The following NEURL1 variants were observed in gnomAD, a reference collection of about 807,000 sequenced individuals.
The protein encoded by NEURL1 is neuralized E3 ubiquitin protein ligase 1, also known as E3 ubiquitin-protein ligase NEURL1.
Under a neutral mutation model 41.2 loss-of-function variants are expected in NEURL1, and 26 were observed. The ratio of observed to expected loss-of-function variants is 0.63; its 90% CI spans 0.46 to 0.87. The LOEUF (loss-of-function observed/expected upper bound fraction) is 0.87, where lower values mean the gene tolerates loss of function less well. Among genes scored for constraint, NEURL1 ranks in the 40% least tolerant of loss-of-function variants. The pLI is 0.00. For missense variants in NEURL1, 761 were observed against 871.1 expected (o/e 0.87, Z 1.59); for synonymous variants, 400 against 402.3 (o/e 0.99, Z 0.07).
chr10:103,509,054 G>A (rs2034010175), intron 1 of NEURL1, among the ~76,000 whole-genome samples: 1 of 152,082 alleles, frequency 6.6e-6, no homozygotes, highest in African/African-American at 2.4e-5. Context: ...CATGGCGAAA[G>A]CCCATCTCTA....
At chr10:103,527,414 C>G (rs2034483829) in intron 1 of NEURL1, among the ~76,000 whole-genome samples, 1 of 151,736 alleles carries the variant, frequency 6.6e-6, no homozygotes, top group South Asian at 2.1e-4. Flanking sequence ...CCTGCTTCAG[C>G]CTTCCAAGTA....
intron 1 of NEURL1, among the ~76,000 whole-genome samples, chr10:103,565,017 C>T (rs12415501): frequency 0.14 from 21,488 of 152,136 alleles, 1,847 homozygotes; most frequent in South Asian, 0.27. Flanking sequence ...CAGCGCATCG[C>T]GGCCCCAGCC....
intron 1 of NEURL1, among the ~76,000 whole-genome samples, chr10:103,498,805 T>G (rs1034044339): frequency 1.2e-4 from 18 of 152,234 alleles, no homozygotes; most frequent in Middle Eastern, 3.2e-3. Flanking sequence ...TTTGTCCTTT[T>G]GTGTCAAGCG....
chr10:103,517,753 C>T (rs2034250245), intron 1 of NEURL1, among the ~76,000 whole-genome samples: 1 of 152,228 alleles, frequency 6.6e-6, no homozygotes, highest in African/African-American at 2.4e-5. Context: ...GGTGAACTTG[C>T]TCTAGGCCTG....
chr10:103,590,566 A>C lies in NEURL1; in HGVS notation c.*194A>C. On this transcript the variant is annotated 3_prime_UTR_variant, in exon 6 of 6. Transcript: ENST00000369780. Reference sequence around the variant, plus strand: ...GGCAGGGAGGGGGCAGAGGCAAATCACCGGGCAGAGGGAGGGGAGGAGAGG... The same window carrying C: ...GGCAGGGAGGGGGCAGAGGCAAATCCCCGGGCAGAGGGAGGGGAGGAGAGG... The C allele has an allele frequency of 3.4e-6, 2 of 585,802 alleles. No homozygotes were observed. Among genetic ancestry groups the C allele is most frequent in the East Asian group, 2.8e-5 (1 of 35,190 alleles). The allele number at this position is 585,802 out of a possible 1,614,324, so 36.3% of individuals were successfully genotyped here.
At chr10:103,588,423 T>C (rs2035967611) in intron 4 of NEURL1, among the ~76,000 whole-genome samples, 1 of 151,818 alleles carries the variant, frequency 6.6e-6, no homozygotes, top group Non-Finnish European at 1.5e-5. Flanking sequence ...CTGTAGTGCA[T>C]GTGTGTGTGT....
rs1001389664 is a variant in NEURL1 at position 103,508,461 on chromosome 10, C to T, written c.85+13989C>T. ...AGCGCCCTGACTTCTCTTCCAGCCC[C>T]GAGGGACAAAGGCAGACCTTGGACT... On this transcript the variant is annotated intron_variant, in intron 1 of 5. Coordinates refer to ENST00000369780, the MANE Select transcript of NEURL1 (RefSeq NM_004210.5). This position sits in a 1 kb window ranked among gnomAD's most constrained non-coding sequence, Gnocchi z 4.3. Among the ~76,000 whole-genome samples the T allele has an allele frequency of 4.6e-5, 7 of 152,292 alleles. No homozygotes were observed. The highest frequency in any genetic ancestry group is 6.5e-5 in the Admixed American group (1 of 15,298).
At chr10:103,559,926 C>T (rs2035250497) in intron 1 of NEURL1, among the ~76,000 whole-genome samples, 1 of 151,832 alleles carries the variant, frequency 6.6e-6, no homozygotes, top group Non-Finnish European at 1.5e-5. Context: ...CATGCACACA[C>T]ATATTACACA....
intron 1 of NEURL1, among the ~76,000 whole-genome samples, chr10:103,494,910 A>G (rs2033648092): frequency 6.6e-6 from 1 of 152,140 alleles, no homozygotes; most frequent in South Asian, 2.1e-4. Context: ...GGAGGGTTTT[A>G]AAAATTCAGG....
At chr10:103,536,748 T>C (rs946977272) in intron 1 of NEURL1, among the ~76,000 whole-genome samples, 1 of 152,212 alleles carries the variant, frequency 6.6e-6, no homozygotes, top group Non-Finnish European at 1.5e-5. Flanking sequence ...TTAAAAAAAT[T>C]ATGGTAAAAT....
At chr10:103,514,967 G>A (rs2133851611) in intron 1 of NEURL1, among the ~76,000 whole-genome samples, 1 of 152,198 alleles carries the variant, frequency 6.6e-6, no homozygotes, top group African/African-American at 2.4e-5. Flanking sequence ...GTGGCTCATG[G>A]CTGTAATCCC....
In NEURL1 at chr10:103,563,748, C is replaced by T. The variant is rs550985760; in HGVS notation, c.86-7124C>T. On this transcript the variant is annotated intron_variant, in intron 1 of 5. Transcript: ENST00000369780. The stretch of plus-strand genomic sequence containing the variant: ...AATCCTCACAAGAATCCCATGAAGG[C>T]CTGCCATGACCCCATTTTACAGATG... Among the ~76,000 whole-genome samples the T allele has an allele frequency of 2.0e-5, 3 of 152,320 alleles. No homozygotes were observed. The South Asian group carries it at 6.2e-4, about 32-fold the overall frequency.
At chr10:103,504,159 A>C (rs1484277741) in intron 1 of NEURL1, among the ~76,000 whole-genome samples, 1 of 151,658 alleles carries the variant, frequency 6.6e-6, no homozygotes. Flanking sequence ...ACGCCCGGCT[A>C]ATTTTTGTAT....
intron 1 of NEURL1, among the ~76,000 whole-genome samples, chr10:103,544,067 G>A (rs1422359141): frequency 6.6e-6 from 1 of 152,184 alleles, no homozygotes; most frequent in Non-Finnish European, 1.5e-5. Context: ...GGGCAGAGAT[G>A]CCCGCCTGGC....
intron 1 of NEURL1, among the ~76,000 whole-genome samples, chr10:103,557,745 GGTT>G (rs2035187282): frequency 6.6e-6 from 1 of 152,248 alleles, no homozygotes; most frequent in African/African-American, 2.4e-5. Flanking sequence ...CAGCGGCTCT[GGTT>G]TCACCTTCTT....
chr10:103,562,154 G>A (rs1198897447), intron 1 of NEURL1, among the ~76,000 whole-genome samples: 1 of 152,228 alleles, frequency 6.6e-6, no homozygotes, highest in Non-Finnish European at 1.5e-5. Flanking sequence ...GGAGGCCTAG[G>A]CGGGCAGATC....
At position 103,571,506 on chromosome 10, in the gene NEURL1, C is replaced by G; in HGVS notation, c.333C>G (p.Thr111=). The G allele has an allele frequency of 6.2e-7, 1 of 1,601,896 alleles. No individual in the cohort carries two copies. ...GGCCACCCCCTGCCACCCAGATCAC[C>G]AAGAAGCAGTGCTGCTGGAGCGGGG... ...LIYEQVRLKI[T]KKQCCWSGAL... The change falls in exon 3 of 6, where the codon ACC becomes ACG. Residue 111 remains threonine, a synonymous_variant. Transcript: ENST00000369780.
At chr10:103,496,769 G>A (rs756944705) in intron 1 of NEURL1, among the ~76,000 whole-genome samples, 61 of 152,168 alleles carry the variant, frequency 4.0e-4, no homozygotes, top group Non-Finnish European at 7.5e-4. Context: ...TCCTTCAGGG[G>A]GCAAGGGTTA....
At chr10:103,530,186 A>G (rs1202337810) in intron 1 of NEURL1, among the ~76,000 whole-genome samples, 1 of 151,944 alleles carries the variant, frequency 6.6e-6, no homozygotes, top group African/African-American at 2.4e-5. Flanking sequence ...TTTAGTCTCA[A>G]TTTATTTTAT....
Sources: gnomAD v4.1 joint callset for allele counts (sites outside exome capture counted in the v4.1 genomes callset) on GRCh38, gnomAD v4.1.1 for gene constraint, Gnocchi (gnomAD v3.1) non-coding constraint, MANE v1.5 for transcripts, NCBI Gene and HGNC (gene_info 2026-07-23, HGNC 2026-07-21) for gene names.